KLHL29: variants seen among roughly 807,000 people sequenced by gnomAD.
KLHL29 encodes kelch like family member 29.
Under a neutral mutation model 80.4 loss-of-function variants are expected in KLHL29, and 21 were observed. That is an observed-to-expected ratio of 0.26 (90% CI 0.19 to 0.38). The LOEUF is 0.38. KLHL29 is among the 10% of genes least tolerant of loss of function. KLHL29 has a pLI of 1.00. For missense variants in KLHL29, 867 were observed against 1,223.9 expected, an observed-to-expected ratio of 0.71 and a Z score of 4.35; for synonymous variants, 511 against 526.8, an observed-to-expected ratio of 0.97 and a Z score of 0.41.
chr2:23,678,885 T>C (rs1442104377), intron 5 of KLHL29, among the ~76,000 whole-genome samples: 3 of 152,042 alleles, frequency 2.0e-5, no homozygotes, highest in Non-Finnish European at 4.4e-5. Flanking sequence ...GAAAGTAGAA[T>C]GGTGGTTGCC....
intron 3 of KLHL29, among the ~76,000 whole-genome samples, chr2:23,626,615 A>G (rs1215948568): frequency 2.0e-5 from 3 of 152,292 alleles, no homozygotes; most frequent in Admixed American, 6.5e-5. Flanking sequence ...GCCAGAAACT[A>G]TTGATATCTG....
rs1347621948 is a variant in KLHL29 at position 23,586,919 on chromosome 2, G to T, written c.285+24438G>T. ...CTCCTAAAACAGCAGGGAGTATCTC[G>T]CAAGCCTCAGCGACATTTGTTGGCC... On this transcript the variant is annotated intron_variant, in intron 3 of 13. Coordinates refer to ENST00000486442, the MANE Select transcript of KLHL29 (RefSeq NM_052920.2). Among the ~76,000 whole-genome samples the T allele has an allele frequency of 2.6e-5, 4 of 152,260 alleles. No individual in the cohort carries two copies. In the East Asian group the frequency reaches 7.7e-4, roughly 29 times the overall value.
chr2:23,687,410 C>T (rs146715071), intron 6 of KLHL29, among the ~76,000 whole-genome samples: 1 of 152,352 alleles, frequency 6.6e-6, no homozygotes, highest in Non-Finnish European at 1.5e-5. Context: ...CTGGCAAGGA[C>T]GGTGCCTGCC....
intron 1 of KLHL29, among the ~76,000 whole-genome samples, chr2:23,451,116 G>A (rs1313824576): frequency 6.6e-6 from 1 of 152,172 alleles, no homozygotes; most frequent in Non-Finnish European, 1.5e-5. Flanking sequence ...TTTGAAGCCA[G>A]ATGGCTGAGT....
chr2:23,395,867 A>G (rs1455375373), intron 1 of KLHL29, among the ~76,000 whole-genome samples: 2 of 152,182 alleles, frequency 1.3e-5, no homozygotes, highest in Admixed American at 1.3e-4. Flanking sequence ...TTGGACTCTC[A>G]TGGTGAGTTA....
chr2:23,540,237 C>T (rs530657928), intron 2 of KLHL29, among the ~76,000 whole-genome samples: 8 of 152,358 alleles, frequency 5.3e-5, no homozygotes, highest in Non-Finnish European at 8.8e-5. Context: ...CTGCCGGGGC[C>T]GTGGTCCACA....
chr2:23,587,061 C>A (rs1260381088), intron 3 of KLHL29, among the ~76,000 whole-genome samples: 1 of 152,162 alleles, frequency 6.6e-6, no homozygotes, highest in Non-Finnish European at 1.5e-5. Flanking sequence ...AAGAAGCAAA[C>A]CCAGAGTAGG....
chr2:23,666,171 G>A (rs1252342451), intron 5 of KLHL29, among the ~76,000 whole-genome samples: 1 of 152,200 alleles, frequency 6.6e-6, no homozygotes, highest in Non-Finnish European at 1.5e-5. Context: ...CTGCCCTCAG[G>A]GGGCTCATAT....
At chr2:23,572,269 C>T (rs1483441075) in intron 3 of KLHL29, among the ~76,000 whole-genome samples, 5 of 152,304 alleles carry the variant, frequency 3.3e-5, no homozygotes, top group Middle Eastern at 3.4e-3. Flanking sequence ...CCTGCCACTC[C>T]GTCTTCCTAG....
intron 2 of KLHL29, among the ~76,000 whole-genome samples, chr2:23,522,737 A>T (rs542205276): frequency 5.3e-5 from 8 of 152,150 alleles, no homozygotes; most frequent in Admixed American, 2.0e-4. Flanking sequence ...CCAAGCCCTG[A>T]GTCTGGACCC....
At chr2:23,412,289 T>G (rs935754564) in intron 1 of KLHL29, among the ~76,000 whole-genome samples, 10 of 152,102 alleles carry the variant, frequency 6.6e-5, no homozygotes, top group African/African-American at 9.7e-5. Flanking sequence ...TTCAGAGAAC[T>G]AATACAAACA....
At chr2:23,600,955 T>C (rs1204197843) in intron 3 of KLHL29, among the ~76,000 whole-genome samples, 1 of 152,222 alleles carries the variant, frequency 6.6e-6, no homozygotes, top group Non-Finnish European at 1.5e-5. Flanking sequence ...TGAAACTACA[T>C]TAAGCACTTT....
In KLHL29 at chr2:23,521,738, A is replaced by C. The variant is rs1460367730; in HGVS notation, c.-45-40414A>C. 2.0e-5 allele frequency among the ~76,000 whole-genome samples: 3 copies of C among 152,314 alleles called. No individual in the cohort carries two copies. In the East Asian group the frequency reaches 5.8e-4, roughly 29 times the overall value. On this transcript the variant is annotated intron_variant, in intron 2 of 13. Coordinates refer to ENST00000486442, the MANE Select transcript of KLHL29 (RefSeq NM_052920.2). ...TCAGTTTCAGCACGTTGTTCAATAG[A>C]CTGCAGCCAGATGGTAAACATCAGA...
At chr2:23,451,145 T>G (rs11887302) in intron 1 of KLHL29, among the ~76,000 whole-genome samples, 22,215 of 152,164 alleles carry the variant, frequency 0.15, 2,773 homozygotes, top group African/African-American at 0.32. Context: ...TGGCTCCACA[T>G]CCTACTCCAC....
intron 1 of KLHL29, among the ~76,000 whole-genome samples, chr2:23,458,649 C>G (rs1465078624): frequency 1.3e-5 from 2 of 152,242 alleles, no homozygotes; most frequent in Non-Finnish European, 2.9e-5. Context: ...AACTGCTTCC[C>G]TCAAGAGTTG....
At chr2:23,654,304 T>C (rs1254205212) in intron 5 of KLHL29, among the ~76,000 whole-genome samples, 2 of 152,146 alleles carry the variant, frequency 1.3e-5, no homozygotes, top group Admixed American at 1.3e-4. Flanking sequence ...ATCCCCGGCT[T>C]TCCTTGCTTT....
chr2:23,613,763 C>CAAAAAAAAAAAAAAAAAAAAA (rs1157736706), intron 3 of KLHL29, among the ~76,000 whole-genome samples: 2 of 63,724 alleles, frequency 3.1e-5, no homozygotes, highest in African/African-American at 8.9e-5. Flanking sequence ...GACTCCATCT[C>CAAAAAAAAAAAAAAAAAAAAA]AAAAAAAAAA....
intron 2 of KLHL29, among the ~76,000 whole-genome samples, chr2:23,555,130 C>T (rs570296073): frequency 0.013 from 2,024 of 150,876 alleles, 18 homozygotes; most frequent in Non-Finnish European, 0.02. Flanking sequence ...TCCCCCCCCC[C>T]CTCAACTTGT....
At chr2:23,507,234 T>G (rs1047265088) in intron 2 of KLHL29, 1 of 264,722 alleles carries the variant, frequency 3.8e-6, no homozygotes, top group African/African-American at 2.3e-5. Flanking sequence ...ATCCAGATCC[T>G]GTAACATAAG....
Sources: allele counts gnomAD v4.1 joint callset (sites outside exome capture counted in the v4.1 genomes callset), GRCh38; gene constraint gnomAD v4.1.1; transcripts MANE v1.5; gene names NCBI Gene and HGNC (gene_info 2026-07-23, HGNC 2026-07-21).